NUP160: variants seen among roughly 807,000 people sequenced by gnomAD.
NUP160 encodes nuclear pore complex protein Nup160.
A neutral mutation model predicts 196.9 loss-of-function variants in NUP160; 94 were observed. The observed-to-expected ratio is 0.48, with a 90% CI of 0.40 to 0.57. The LOEUF is 0.57. Among genes scored for constraint, NUP160 ranks in the 20% least tolerant of loss-of-function variants. The pLI is 0.00. For synonymous variants in NUP160, 605 were observed against 619.7 expected (o/e 0.98, Z 0.35); for missense variants, 1,638 against 1,748.3 (o/e 0.94, Z 1.13).
At chr11:47,783,095 C>T in exon 34 of NUP160, 2 of 1,613,714 alleles carry the variant, frequency 1.2e-6, no homozygotes, top group Non-Finnish European at 1.7e-6. Flanking sequence ...GTATTGATGT[C>T]CTTTTCCCAA....
chr11:47,782,698 G>T (rs2097662154), intron 34 of NUP160, among the ~76,000 whole-genome samples: 1 of 151,840 alleles, frequency 6.6e-6, no homozygotes, highest in African/African-American at 2.4e-5. Context: ...TCGCTCTGTT[G>T]CCCAGGCTGG....
In NUP160 at chr11:47,788,170, T is replaced by C. The variant is rs2135346113; in HGVS notation, c.3746+12A>G. 6.2e-7 allele frequency: 1 copy of C among 1,601,592 alleles called. No individual in the cohort carries two copies. Among genetic ancestry groups the C allele is most frequent in the East Asian group, 2.2e-5 (1 of 44,758 alleles). The stretch of plus-strand genomic sequence containing the variant: ...ATTAGAAAAGACTATAAAAAAATAA[T>C]TTTATACATACTTGAAGGCAAGCCC... On this transcript the variant is annotated intron_variant, in intron 31 of 35. Coordinates refer to ENST00000378460, the Ensembl canonical transcript of NUP160.
intron 4 of NUP160, among the ~76,000 whole-genome samples, chr11:47,838,636 G>C (rs533056370): frequency 6.6e-6 from 1 of 151,852 alleles, no homozygotes; most frequent in African/African-American, 2.4e-5. Flanking sequence ...TGAACCTGGG[G>C]GGGGCGGAGG....
At chr11:47,834,127 G>GC (rs1852126920) in intron 7 of NUP160, among the ~76,000 whole-genome samples, 1 of 152,052 alleles carries the variant, frequency 6.6e-6, no homozygotes, top group South Asian at 2.1e-4. Context: ...TCCACATCCA[G>GC]CCAGTTTTAA....
intron 34 of NUP160, among the ~76,000 whole-genome samples, chr11:47,782,604 G>A (rs151125345): frequency 2.5e-3 from 372 of 151,270 alleles, no homozygotes; most frequent in Middle Eastern, 0.014. Flanking sequence ...ATTGAATACT[G>A]TACTGCAACT....
intron 7 of NUP160, among the ~76,000 whole-genome samples, chr11:47,827,692 A>G (rs980609908): frequency 3.3e-5 from 5 of 151,816 alleles, no homozygotes; most frequent in African/African-American, 9.7e-5. Context: ...TGAGTGACAG[A>G]GTGAAAAAAA....
At chr11:47,818,637 A>G (rs536676055) in intron 10 of NUP160, among the ~76,000 whole-genome samples, 1 of 152,320 alleles carries the variant, frequency 6.6e-6, no homozygotes, top group South Asian at 2.1e-4. Flanking sequence ...ATATTGCCTA[A>G]TGATTTTGAC....
At chr11:47,778,887 T>A (rs556730459) in exon 36 of NUP160, 90 of 440,030 alleles carry the variant, frequency 2.0e-4, no homozygotes, top group African/African-American at 1.7e-3. Flanking sequence ...AAGCAGCTAT[T>A]TGAGACCAAG....
intron 35 of NUP160, chr11:47,779,441 C>T: frequency 2.1e-6 from 1 of 486,656 alleles, no homozygotes; most frequent in Non-Finnish European, 3.8e-6. Flanking sequence ...GAAATCGTAC[C>T]AGTATTTCTA....
intron 28 of NUP160, 45 bp from the exon 29 acceptor site, chr11:47,792,035 T>A: frequency 2.3e-6 from 3 of 1,288,088 alleles, no homozygotes; most frequent in Non-Finnish European, 2.2e-6. Context: ...ATCAGTATTT[T>A]ATTCTGATAT....
At chr11:47,847,505 G>A (rs984739623) in intron 2 of NUP160, among the ~76,000 whole-genome samples, 21 of 152,006 alleles carry the variant, frequency 1.4e-4, no homozygotes, top group Admixed American at 1.3e-3. Context: ...ATTGAAGCTC[G>A]AACGTATTTG....
At chr11:47,824,565 G>A (rs556524678) in intron 7 of NUP160, among the ~76,000 whole-genome samples, 2 of 151,754 alleles carry the variant, frequency 1.3e-5, no homozygotes, top group South Asian at 2.1e-4. Context: ...AGTCAAGATC[G>A]CCCCACTATA....
Position 47,838,693 on chromosome 11 carries a change from G to GT in NUP160, c.749-1071dup, listed in dbSNP as rs1170800055. 7.2e-5 allele frequency among the ~76,000 whole-genome samples: 11 copies of GT among 151,918 alleles called. 1 individual carries two copies. Among genetic ancestry groups the GT allele is most frequent in the Admixed American group, 7.2e-4 (11 of 15,248 alleles). On this transcript the variant is annotated intron_variant, in intron 4 of 35. Coordinates refer to ENST00000378460, the Ensembl canonical transcript of NUP160. ...CCACTGCATTCCAGCCTGGGTGACA[G>GT]TGAGACTCTGTCTCAAAAGAAAGAA...
chr11:47,813,197 G>A, intron 14 of NUP160, 119 bp downstream of exon 14: 1 of 976,186 alleles, frequency 1.0e-6, no homozygotes, highest in South Asian at 1.5e-5. Context: ...TAAAATATTT[G>A]TGGTGTGGTA....
chr11:47,820,490 C>T (rs532502216), intron 9 of NUP160, among the ~76,000 whole-genome samples: 1 of 152,248 alleles, frequency 6.6e-6, no homozygotes, highest in East Asian at 1.9e-4. Context: ...AGCAATCCTC[C>T]TGCCTCAGTC....
At chr11:47,833,981 A>G (rs567121824) in intron 7 of NUP160, among the ~76,000 whole-genome samples, 1 of 152,286 alleles carries the variant, frequency 6.6e-6, no homozygotes, top group South Asian at 2.1e-4. Flanking sequence ...ACTGTAATAC[A>G]TTTTAGCTGT....
exon 1 of NUP160, chr11:47,848,408 ACAGGTGAAGCATT>A: frequency 6.3e-7 from 1 of 1,583,470 alleles, no homozygotes. Flanking sequence ...GGAGCTGCGG[ACAGGTGAAGCATT>A]CCGGGAGCAG....
Position 47,782,294 on chromosome 11 carries a change from AAAAAAAAAAATATATATATATAT to A in NUP160, c.4116+756_4116+778del, listed in dbSNP as rs1220759737. On this transcript the variant is annotated intron_variant, in intron 34 of 35. Coordinates refer to ENST00000378460, the Ensembl canonical transcript of NUP160. ...GCAACAGAGCAAAACTCAGTTAAAA[AAAAAAAAAAATATATATATATAT>A]ATATATATATATATATATATATATA... Among the ~76,000 whole-genome samples, 6 of 40,630 alleles carry A rather than the reference AAAAAAAAAAATATATATATATAT, an allele frequency of 1.5e-4. 1 individual carries two copies. Among genetic ancestry groups the A allele is most frequent in the Non-Finnish European group, 2.9e-4 (6 of 20,848 alleles). 26.7% of individuals were successfully genotyped at this position (40,630 alleles called of 152,430 possible).
At chr11:47,788,401 C>T in intron 30 of NUP160, 96 bp from the exon 31 acceptor site, 1 of 1,565,452 alleles carries the variant, frequency 6.4e-7, no homozygotes, top group Non-Finnish European at 8.8e-7. Context: ...GAGTAATAAC[C>T]CAGGCTTTAT....
Sources: allele counts gnomAD v4.1 joint callset (sites outside exome capture counted in the v4.1 genomes callset), GRCh38; gene constraint gnomAD v4.1.1; transcripts MANE v1.5; gene names NCBI Gene and HGNC (gene_info 2026-07-23, HGNC 2026-07-21).